The following DGKI variants were observed in gnomAD, a reference collection of about 807,000 sequenced individuals.
DGKI encodes the protein DAG kinase iota.
In DGKI, 55 loss-of-function variants were observed where a neutral mutation model predicts 147.5. The observed-to-expected ratio is 0.37, with a 90% confidence interval of 0.30 to 0.47. The LOEUF (loss-of-function observed/expected upper bound fraction) is 0.47. Ranked by LOEUF, DGKI falls within the 20% of genes least tolerant of loss-of-function variation. The pLI is 1.00. For synonymous variants in DGKI, 469 were observed against 477.1 expected (o/e 0.98, Z 0.22); for missense variants, 1,007 against 1,323.8 (o/e 0.76, Z 3.71).
chr7:137,688,632 C>G (rs1823505484), intron 2 of DGKI, among the ~76,000 whole-genome samples: 1 of 152,218 alleles, frequency 6.6e-6, no homozygotes, highest in South Asian at 2.1e-4. Flanking sequence ...CAAACCAACT[C>G]TTTCGGTTCC....
At chr7:137,491,824 A>G (rs539499225) in intron 21 of DGKI, among the ~76,000 whole-genome samples, 1 of 152,346 alleles carries the variant, frequency 6.6e-6, no homozygotes, top group African/African-American at 2.4e-5. Flanking sequence ...CCTTAGTCCT[A>G]TGCCCACTCT....
chr7:137,636,275 G>C, intron 6 of DGKI, among the ~76,000 whole-genome samples: 1 of 152,216 alleles, frequency 6.6e-6, no homozygotes, highest in East Asian at 1.9e-4. Context: ...CTAGTTGAGA[G>C]TGAGGTGAAT....
intron 21 of DGKI, among the ~76,000 whole-genome samples, chr7:137,494,844 T>C (rs746539895): frequency 6.6e-6 from 1 of 152,076 alleles, no homozygotes; most frequent in Admixed American, 6.5e-5. Context: ...AATGTAAATG[T>C]GTTAAATGCC....
Position 137,390,973 on chromosome 7 carries a change from T to A in DGKI, c.*247A>T. 1 of 495,202 alleles carries A rather than the reference T, an allele frequency of 2.0e-6. No individual in the cohort carries two copies. Among genetic ancestry groups the A allele is most frequent in the Non-Finnish European group, 3.6e-6 (1 of 277,558 alleles). The allele number at this position is 495,202 out of a possible 1,614,324, so 30.7% of individuals were successfully genotyped here. A position where few individuals can be genotyped will look rare whatever the true frequency, so the allele number is the denominator to read the frequency against. ...TGCTACTTGCTGGAAGCAATAAGGA[T>A]CAAATTTTGTGGAACTCGTACTGTA... On this transcript the variant is annotated 3_prime_UTR_variant, in exon 33 of 33. Coordinates refer to ENST00000614521, the MANE Select transcript of DGKI (RefSeq NM_001321708.2).
intron 19 of DGKI, among the ~76,000 whole-genome samples, chr7:137,566,644 G>T (rs1370991684): frequency 1.3e-5 from 2 of 152,054 alleles, no homozygotes; most frequent in African/African-American, 2.4e-5. Context: ...AAAAAATAAT[G>T]GACCTAATTT....
rs1224715284 is a variant in DGKI at position 137,386,894 on chromosome 7, C to G, written c.*4326G>C. ...GAAAGCTAATTTATTAGATGTTTTT[C>G]TACTTCTTTTCCTAAAATGAATATA... On this transcript the variant is annotated 3_prime_UTR_variant, in exon 33 of 33. Transcript: ENST00000614521. 1.3e-5 allele frequency: 2 copies of G among 152,066 alleles called. No individual in the cohort carries two copies. Among genetic ancestry groups the G allele is most frequent in the Non-Finnish European group, 2.9e-5 (2 of 67,982 alleles). 9.4% of individuals were successfully genotyped at this position (152,066 alleles called of 1,614,324 possible).
rs1199404667 is a variant in DGKI, at chr7:137,846,157, T to TCC, written c.401+304_401+305insGG. On this transcript the variant is annotated intron_variant, in intron 1 of 32. Coordinates refer to ENST00000614521, the MANE Select transcript of DGKI (RefSeq NM_001321708.2). This position sits in a 1 kb window ranked among gnomAD's most constrained non-coding sequence, Gnocchi z 4.0. ...CTTTCTCTCTCTCTCTCTCTCTCTC[T>TCC]CTCTCACACACACACACACACACAC... 7.2e-6 allele frequency among the ~76,000 whole-genome samples: 1 copy of TCC among 138,516 alleles called. No individual in the cohort carries two copies. Among genetic ancestry groups the TCC allele is most frequent in the Non-Finnish European group, 1.5e-5 (1 of 65,500 alleles). The allele number at this position is 138,516 out of a possible 152,430, so 90.9% of individuals were successfully genotyped here. A position where few individuals can be genotyped will look rare whatever the true frequency, so the allele number is the denominator to read the frequency against.
intron 20 of DGKI, among the ~76,000 whole-genome samples, chr7:137,551,805 T>C (rs1818054420): frequency 6.6e-6 from 1 of 151,902 alleles, no homozygotes; most frequent in Non-Finnish European, 1.5e-5. Context: ...GTCTGGACAA[T>C]AGGATGCTGC....
chr7:137,795,520 T>C (rs1475902171), intron 1 of DGKI, among the ~76,000 whole-genome samples: 1 of 152,216 alleles, frequency 6.6e-6, no homozygotes, highest in Non-Finnish European at 1.5e-5. Context: ...TTTAATATCA[T>C]AGCTGCCTGA....
chr7:137,758,005 T>C (rs1274377838), intron 1 of DGKI, among the ~76,000 whole-genome samples: 2 of 152,248 alleles, frequency 1.3e-5, no homozygotes, highest in Non-Finnish European at 2.9e-5. Context: ...CAGCTATTTA[T>C]GACAGTTTAG....
At chr7:137,679,910 G>C (rs1329965899) in intron 2 of DGKI, among the ~76,000 whole-genome samples, 1 of 148,020 alleles carries the variant, frequency 6.8e-6, no homozygotes, top group Non-Finnish European at 1.5e-5. Flanking sequence ...AGAATCACTT[G>C]AACCTGGGAG....
intron 1 of DGKI, among the ~76,000 whole-genome samples, chr7:137,723,856 C>G (rs1321588907): frequency 6.6e-6 from 1 of 151,816 alleles, no homozygotes; most frequent in Non-Finnish European, 1.5e-5. Flanking sequence ...ATTACAGGCA[C>G]ATATCACCAT....
At chr7:137,730,668 T>C (rs1794850993) in intron 1 of DGKI, among the ~76,000 whole-genome samples, 1 of 152,090 alleles carries the variant, frequency 6.6e-6, no homozygotes, top group Admixed American at 6.6e-5. Flanking sequence ...TTTACATACA[T>C]ATGCATGCAT....
chr7:137,642,929 A>AGTGTGTGT (rs1207086851), intron 6 of DGKI, among the ~76,000 whole-genome samples: 13,457 of 120,982 alleles, frequency 0.11, 980 homozygotes, highest in East Asian at 0.15. Flanking sequence ...ATTATGGAAT[A>AGTGTGTGT]GTGTGTGTGT....
At chr7:137,678,917 T>C (rs142822058) in intron 2 of DGKI, among the ~76,000 whole-genome samples, 71 of 152,310 alleles carry the variant, frequency 4.7e-4, no homozygotes, top group African/African-American at 1.6e-3. Context: ...TTTTGAAACA[T>C]ATTCAACAAA....
rs562617670 is a variant in DGKI, at chr7:137,706,708, G to A, written c.402-16706C>T. ...CTGCCTCAGCCTCCTGAGGAGCTGGGACTACAGGCGCATGCCACCATACCT... is the reference window on the plus strand; with the variant it reads ...CTGCCTCAGCCTCCTGAGGAGCTGGAACTACAGGCGCATGCCACCATACCT... On this transcript the variant is annotated intron_variant, in intron 1 of 32. Transcript: ENST00000614521. Among the ~76,000 whole-genome samples the A allele has an allele frequency of 3.3e-5, 5 of 152,060 alleles. 1 individual carries two copies. Among genetic ancestry groups the A allele is most frequent in the African/African-American group, 1.2e-4 (5 of 41,508 alleles).
At chr7:137,784,172 G>C (rs1796598935) in intron 1 of DGKI, among the ~76,000 whole-genome samples, 1 of 152,150 alleles carries the variant, frequency 6.6e-6, no homozygotes. Flanking sequence ...AAAAGATACA[G>C]AATGGCAGAA....
intron 1 of DGKI, among the ~76,000 whole-genome samples, chr7:137,731,406 T>C (rs570977322): frequency 1.3e-5 from 2 of 152,228 alleles, no homozygotes; most frequent in African/African-American, 2.4e-5. Context: ...TGTAGGCACA[T>C]ACTAGGTACT....
In DGKI at chr7:137,527,491, GT is replaced by G. The variant is rs200009532; in HGVS notation, c.2148-5526del. Among the ~76,000 whole-genome samples the G allele has an allele frequency of 7.3e-5, 11 of 151,544 alleles. No individual in the cohort carries two copies. The South Asian group carries it at 1.3e-3, about 17-fold the overall frequency. The stretch of plus-strand genomic sequence containing the variant: ...AAGTAGGGATGGTGAATGTTTGCAA[GT>G]TTTTTTTTACTTTTTAAAGATATTA... On this transcript the variant is annotated intron_variant, in intron 20 of 32. Coordinates refer to ENST00000614521, the MANE Select transcript of DGKI (RefSeq NM_001321708.2).
Sources: allele counts gnomAD v4.1 joint callset (sites outside exome capture counted in the v4.1 genomes callset), GRCh38; gene constraint gnomAD v4.1.1; non-coding constraint Gnocchi (gnomAD v3.1); transcripts MANE v1.5; gene names NCBI Gene and HGNC (gene_info 2026-07-23, HGNC 2026-07-21).